The following CHSY3 variants were observed in gnomAD, a reference collection of about 807,000 sequenced individuals.
The protein encoded by CHSY3 is N-acetylgalactosaminyl-proteoglycan 3-beta-glucuronosyltransferase 3.
Under a neutral mutation model 67.2 loss-of-function variants are expected in CHSY3, and 35 were observed. The observed-to-expected ratio is 0.52, with a 90% CI of 0.40 to 0.69. The LOEUF is 0.69. CHSY3 is among the 30% of genes least tolerant of loss of function. The probability of loss-of-function intolerance (pLI) is 0.00; values close to 1 mark genes in which losing one functional copy is unlikely to be tolerated. For missense variants in CHSY3, 1,069 were observed against 1,138.5 expected (o/e 0.94, Z 0.88); for synonymous variants, 474 against 434.7 (o/e 1.09, Z -1.12).
intron 2 of CHSY3, among the ~76,000 whole-genome samples, chr5:130,125,901 C>A (rs1232409642): frequency 6.6e-6 from 1 of 152,272 alleles, no homozygotes; most frequent in East Asian, 1.9e-4. Context: ...CCTTTCCACT[C>A]CATAATAAAA....
At chr5:130,117,561 T>G (rs1767853263) in intron 2 of CHSY3, among the ~76,000 whole-genome samples, 3 of 149,430 alleles carry the variant, frequency 2.0e-5, no homozygotes, top group Admixed American at 6.6e-5. Flanking sequence ...GTTTCCCTGG[T>G]TTTTTTGTTC....
chr5:130,122,650 G>C (rs73244870), intron 2 of CHSY3, among the ~76,000 whole-genome samples: 8,176 of 152,234 alleles, frequency 0.054, 617 homozygotes, highest in African/African-American at 0.15. Context: ...GATAAGGGTA[G>C]TGTTGCTTAT....
chr5:130,172,398 T>G (rs773676742), intron 2 of CHSY3, among the ~76,000 whole-genome samples: 4 of 150,622 alleles, frequency 2.7e-5, no homozygotes, highest in Non-Finnish European at 5.9e-5. Context: ...TGGCACCATC[T>G]CAACTCACTG....
intron 2 of CHSY3, among the ~76,000 whole-genome samples, chr5:129,930,332 C>G (rs1234026919): frequency 2.7e-5 from 2 of 74,274 alleles, no homozygotes; most frequent in African/African-American, 9.6e-5. Context: ...GACTCTATCT[C>G]AAAAAAAAAA....
intron 2 of CHSY3, among the ~76,000 whole-genome samples, chr5:129,947,639 C>T (rs1049647914): frequency 3.3e-5 from 5 of 150,890 alleles, no homozygotes; most frequent in East Asian, 1.9e-4. Context: ...AAAAACAAAA[C>T]GAAACAAAAA....
chr5:130,112,265 G>A (rs1348802851), intron 2 of CHSY3, among the ~76,000 whole-genome samples: 12 of 152,076 alleles, frequency 7.9e-5, no homozygotes, highest in African/African-American at 2.6e-4. Flanking sequence ...ATATTTTCCC[G>A]GAATTTGTCT....
intron 2 of CHSY3, among the ~76,000 whole-genome samples, chr5:130,075,651 T>C (rs1384561872): frequency 1.3e-5 from 2 of 152,118 alleles, no homozygotes; most frequent in Non-Finnish European, 2.9e-5. Flanking sequence ...CAATTTCATA[T>C]GTATAATAAA....
At chr5:130,046,924 A>G (rs1765171269) in intron 2 of CHSY3, among the ~76,000 whole-genome samples, 1 of 152,056 alleles carries the variant, frequency 6.6e-6, no homozygotes, top group Middle Eastern at 3.4e-3. Context: ...AACACATTAA[A>G]TATAACTTTT....
intron 2 of CHSY3, among the ~76,000 whole-genome samples, chr5:129,986,406 T>C (rs1763202711): frequency 6.6e-6 from 1 of 152,170 alleles, no homozygotes; most frequent in African/African-American, 2.4e-5. Context: ...AGCTTTTTGA[T>C]GTGCTCCTGG....
chr5:130,000,879 TGTC>T (rs1763707048), intron 2 of CHSY3, among the ~76,000 whole-genome samples: 2 of 145,380 alleles, frequency 1.4e-5, no homozygotes, highest in South Asian at 4.4e-4. Context: ...CCAGCCAGCC[TGTC>T]TTCTTTTTTT....
chr5:130,120,648 T>A (rs1049465964), intron 2 of CHSY3, among the ~76,000 whole-genome samples: 2 of 152,196 alleles, frequency 1.3e-5, no homozygotes, highest in African/African-American at 4.8e-5. Flanking sequence ...TACTAACTTC[T>A]ATTCCTCAAT....
intron 2 of CHSY3, among the ~76,000 whole-genome samples, chr5:130,054,235 G>A (rs1008052207): frequency 6.6e-6 from 1 of 152,086 alleles, no homozygotes; most frequent in African/African-American, 2.4e-5. Flanking sequence ...TTAAATGTCA[G>A]TGATCATTTT....
At chr5:129,910,337 C>G (rs1760493304) in intron 2 of CHSY3, among the ~76,000 whole-genome samples, 3 of 152,002 alleles carry the variant, frequency 2.0e-5, no homozygotes, top group Admixed American at 6.6e-5. Flanking sequence ...TAAAACTAAA[C>G]TAATTGTCTC....
chr5:130,118,451 C>T (rs1185259660), intron 2 of CHSY3, among the ~76,000 whole-genome samples: 6 of 151,648 alleles, frequency 4.0e-5, no homozygotes, highest in African/African-American at 1.5e-4. Flanking sequence ...TATATACACA[C>T]ACACACACAT....
chr5:130,116,064 T>G (rs932185671), intron 2 of CHSY3, among the ~76,000 whole-genome samples: 2 of 152,214 alleles, frequency 1.3e-5, no homozygotes, highest in Non-Finnish European at 2.9e-5. Flanking sequence ...CCTAAGTGCA[T>G]TATTGCCCCT....
chr5:129,949,615 G>A (rs902493853), intron 2 of CHSY3, among the ~76,000 whole-genome samples: 1 of 152,044 alleles, frequency 6.6e-6, no homozygotes, highest in African/African-American at 2.4e-5. Context: ...ATTTTGTGAG[G>A]CCATCATTAT....
intron 2 of CHSY3, among the ~76,000 whole-genome samples, chr5:130,062,932 A>C (rs1161066344): frequency 6.6e-6 from 1 of 152,100 alleles, no homozygotes; most frequent in Non-Finnish European, 1.5e-5. Flanking sequence ...TGAAAAACAG[A>C]CTTCCATTTA....
chr5:130,098,091 A>G (rs1200540081), intron 2 of CHSY3, among the ~76,000 whole-genome samples: 1 of 152,188 alleles, frequency 6.6e-6, no homozygotes, highest in Non-Finnish European at 1.5e-5. Context: ...AAAAAAGCCT[A>G]CAAAACTATA....
intron 2 of CHSY3, among the ~76,000 whole-genome samples, chr5:129,954,648 C>G (rs1303251802): frequency 6.6e-6 from 1 of 152,004 alleles, no homozygotes; most frequent in African/African-American, 2.4e-5. Flanking sequence ...TGTGTCCTCT[C>G]TTATTTCCTT....
Sources: allele counts gnomAD v4.1 joint callset (sites outside exome capture counted in the v4.1 genomes callset), GRCh38; gene constraint gnomAD v4.1.1; transcripts MANE v1.5; gene names NCBI Gene and HGNC (gene_info 2026-07-23, HGNC 2026-07-21).